TLN2: variants seen among roughly 807,000 people sequenced by gnomAD.
TLN2 encodes talin 2, also known as talin-2.
Under a neutral mutation model 294.7 loss-of-function variants are expected in TLN2, and 118 were observed. The ratio of observed to expected loss-of-function variants is 0.40; its 90% CI spans 0.34 to 0.47. The LOEUF (loss-of-function observed/expected upper bound fraction) is 0.47. Ranked by LOEUF, TLN2 falls within the 20% of genes least tolerant of loss-of-function variation. The pLI is 0.84. For synonymous variants in TLN2, 1,431 were observed against 1,304.5 expected (o/e 1.10, Z -2.09); for missense variants, 3,083 against 3,282.2 (o/e 0.94, Z 1.48).
chr15:62,620,877 C>T (rs1349027212), intron 3 of TLN2, among the ~76,000 whole-genome samples: 1 of 142,558 alleles, frequency 7.0e-6, no homozygotes, highest in African/African-American at 2.6e-5. Context: ...GAGTCTCTGT[C>T]GCCCAGGCTG....
chr15:62,675,418 C>T (rs1281241167), intron 11 of TLN2, 97 bp downstream of exon 11: 2 of 1,253,254 alleles, frequency 1.6e-6, no homozygotes, highest in Non-Finnish European at 2.3e-6. Flanking sequence ...CTGCTCACCC[C>T]CCTAGCATTT....
At chr15:62,718,752 C>T (rs1245245350) in intron 24 of TLN2, among the ~76,000 whole-genome samples, 1 of 152,180 alleles carries the variant, frequency 6.6e-6, no homozygotes, top group African/African-American at 2.4e-5. Flanking sequence ...GGGGTGAAAA[C>T]TTTCTTCTCA....
chr15:62,697,461 T>C (rs1398667113), intron 14 of TLN2, among the ~76,000 whole-genome samples: 1 of 152,200 alleles, frequency 6.6e-6, no homozygotes, highest in African/African-American at 2.4e-5. Flanking sequence ...ATTAAGTAGA[T>C]AAATTGGGAG....
At chr15:62,631,663 C>CTTTTTCTT (rs1240189194) in intron 3 of TLN2, among the ~76,000 whole-genome samples, 1 of 144,686 alleles carries the variant, frequency 6.9e-6, no homozygotes, top group Non-Finnish European at 1.5e-5. Flanking sequence ...CTTTTTCTTT[C>CTTTTTCTT]TTTCTCTTTC....
At chr15:62,471,888 G>T (rs1179815803) in intron 1 of TLN2, among the ~76,000 whole-genome samples, 1 of 150,958 alleles carries the variant, frequency 6.6e-6, no homozygotes, top group African/African-American at 2.4e-5. Context: ...GCAGGAGGAT[G>T]GGGGGCAGAG....
chr15:62,514,601 CAG>C (rs1232400843), intron 1 of TLN2, among the ~76,000 whole-genome samples: 1 of 152,090 alleles, frequency 6.6e-6, no homozygotes, highest in Non-Finnish European at 1.5e-5. Context: ...TGACTTTTGA[CAG>C]AGGGAAAGAA....
intron 36 of TLN2, chr15:62,755,060 A>G (rs933969802): frequency 5.9e-5 from 9 of 153,304 alleles, no homozygotes; most frequent in Admixed American, 3.9e-4. Flanking sequence ...AAAAGATTGT[A>G]AAATCTCAAT....
At chr15:62,499,218 G>T (rs2039174120) in intron 1 of TLN2, among the ~76,000 whole-genome samples, 1 of 152,156 alleles carries the variant, frequency 6.6e-6, no homozygotes, top group African/African-American at 2.4e-5. Context: ...GGAGGCTGAG[G>T]TGGGAACATC....
intron 1 of TLN2, among the ~76,000 whole-genome samples, chr15:62,532,461 G>A (rs2041099692): frequency 6.6e-6 from 1 of 152,106 alleles, no homozygotes; most frequent in Non-Finnish European, 1.5e-5. Context: ...GGATTGTTAT[G>A]TGGTTCCCAG....
intron 51 of TLN2, among the ~76,000 whole-genome samples, chr15:62,807,006 A>C (rs2066336105): frequency 6.6e-6 from 1 of 152,170 alleles, no homozygotes; most frequent in South Asian, 2.1e-4. Context: ...CCTGGGAGAC[A>C]GTACCACATT....
intron 1 of TLN2, among the ~76,000 whole-genome samples, chr15:62,469,819 A>G (rs2037363493): frequency 6.6e-6 from 1 of 152,216 alleles, no homozygotes; most frequent in African/African-American, 2.4e-5. Flanking sequence ...AAGCCAAATT[A>G]AGAATACAGA....
At chr15:62,685,066 T>G (rs1053011221) in intron 11 of TLN2, among the ~76,000 whole-genome samples, 2 of 151,746 alleles carry the variant, frequency 1.3e-5, no homozygotes, top group African/African-American at 4.8e-5. Flanking sequence ...AATACACACT[T>G]AATAGTGAAA....
chr15:62,638,849 T>C (rs1181043180), intron 3 of TLN2, among the ~76,000 whole-genome samples: 2 of 152,110 alleles, frequency 1.3e-5, no homozygotes, highest in African/African-American at 4.8e-5. Context: ...TGATGTGGCA[T>C]TGGTTCTTTT....
intron 40 of TLN2, among the ~76,000 whole-genome samples, chr15:62,765,569 A>C (rs1595917213): frequency 1.3e-5 from 2 of 152,166 alleles, no homozygotes; most frequent in East Asian, 3.8e-4. Flanking sequence ...TCTATCAGTG[A>C]AGCTCGTATG....
intron 36 of TLN2, 158 bp downstream of exon 36, chr15:62,754,074 A>G (rs1342775506): frequency 1.9e-5 from 19 of 997,438 alleles, no homozygotes; most frequent in Non-Finnish European, 2.3e-5. Flanking sequence ...GTGGGAGCAA[A>G]TATTGCAAAA....
intron 44 of TLN2, among the ~76,000 whole-genome samples, chr15:62,781,936 G>A (rs1482758605): frequency 1.3e-5 from 2 of 152,168 alleles, no homozygotes; most frequent in Non-Finnish European, 2.9e-5. Flanking sequence ...GATATGTTAA[G>A]CAGTTATACG....
At position 62,702,143 on chromosome 15, in the gene TLN2, G is replaced by T; in HGVS notation, c.1848G>T (p.Arg616Ser). Reference protein sequence around the residue: ...GSGEDLLRAARTLAGAVSDLL... With the variant: ...GSGEDLLRAASTLAGAVSDLL... Reference sequence around the variant, plus strand: ...GGGAGGACTTGCTCAGAGCTGCCAGGACCCTCGCTGGGGCGGTGTCAGACT... The same window carrying T: ...GGGAGGACTTGCTCAGAGCTGCCAGTACCCTCGCTGGGGCGGTGTCAGACT... The change falls in exon 18 of 59, where the codon AGG becomes AGT. Residue 616 changes from arginine to serine, a missense_variant. Physicochemically the swap from Arg to Ser is moderately radical, Grantham distance 110. Coordinates refer to ENST00000636159, the MANE Select transcript of TLN2 (RefSeq NM_015059.3). 2 of 1,613,454 alleles carry T rather than the reference G, an allele frequency of 1.2e-6. No individual in the cohort carries two copies. The highest frequency in any genetic ancestry group is 1.7e-6 in the Non-Finnish European group (2 of 1,179,792).
chr15:62,530,241 T>G (rs2040970773), intron 1 of TLN2, among the ~76,000 whole-genome samples: 1 of 152,172 alleles, frequency 6.6e-6, no homozygotes, highest in African/African-American at 2.4e-5. Context: ...ACAAATAACA[T>G]TTTGCATATT....
At chr15:62,701,076 A>G in intron 16 of TLN2, 30 bp from the exon 17 acceptor site, 8 of 1,590,544 alleles carry the variant, frequency 5.0e-6, no homozygotes, top group Non-Finnish European at 6.9e-6. Context: ...CTGTGCTGTG[A>G]TTGTGTTGTG....
Sources: allele counts gnomAD v4.1 joint callset (sites outside exome capture counted in the v4.1 genomes callset), GRCh38; gene constraint gnomAD v4.1.1; transcripts MANE v1.5; gene names NCBI Gene and HGNC (gene_info 2026-07-23, HGNC 2026-07-21).